Variants in FAAP24 observed in about 807,000 individuals in gnomAD.
FAAP24 encodes the protein FA core complex associated protein 24.
FAAP24 carries 16 observed loss-of-function variants against 14.3 expected under a neutral mutation model. The ratio of observed to expected loss-of-function variants is 1.12; its 90% CI spans 0.76 to 1.69. The LOEUF (loss-of-function observed/expected upper bound fraction) is 1.69, where lower values mean the gene tolerates loss of function less well. Among genes scored for constraint, FAAP24 ranks in the 40% most tolerant of loss-of-function variants. The pLI is 0.00. For missense variants in FAAP24, 234 were observed against 262.7 expected (o/e 0.89, Z 0.75); for synonymous variants, 111 against 106.2 (o/e 1.04, Z -0.28).
chr19:32,975,252 C>T (rs1971501212), intron 4 of FAAP24, among the ~76,000 whole-genome samples: 1 of 151,344 alleles, frequency 6.6e-6, no homozygotes, highest in South Asian at 2.1e-4. Context: ...TTACTGCAAC[C>T]TTTGCCTCCT....
At position 32,976,702 on chromosome 19, in the gene FAAP24, G is replaced by C. The variant is rs368291818; in HGVS notation, c.*20G>C. 6.2e-7 allele frequency: 1 copy of C among 1,610,932 alleles called. No homozygotes were observed. Among genetic ancestry groups the C allele is most frequent in the Admixed American group, 1.7e-5 (1 of 59,692 alleles). On this transcript the variant is annotated 3_prime_UTR_variant, in exon 5 of 5. Transcript: ENST00000588258. ...AGGTGAGGGCTGGCCTCAGGGCCAC[G>C]GCATCTTCTCCTGAGACCACAAACA...
At chr19:32,976,183 C>A (rs1263380655) in intron 4 of FAAP24, among the ~76,000 whole-genome samples, 2 of 152,186 alleles carry the variant, frequency 1.3e-5, no homozygotes, top group African/African-American at 4.8e-5. Flanking sequence ...TTGAATTCAT[C>A]TGTGTGTTTT....
chr19:32,975,784 T>C (rs1164058509), intron 4 of FAAP24, among the ~76,000 whole-genome samples: 1 of 152,198 alleles, frequency 6.6e-6, no homozygotes, highest in East Asian at 1.9e-4. Context: ...AAAATCAGTT[T>C]AGTAGCTTAC....
At position 32,976,715 on chromosome 19, in the gene FAAP24, G is replaced by T; in HGVS notation, c.*33G>T. Reference sequence around the variant, plus strand: ...CCTCAGGGCCACGGCATCTTCTCCTGAGACCACAAACACCAGGATCTTGTT... The same window carrying T: ...CCTCAGGGCCACGGCATCTTCTCCTTAGACCACAAACACCAGGATCTTGTT... On this transcript the variant is annotated 3_prime_UTR_variant, in exon 5 of 5. Coordinates refer to ENST00000588258, the MANE Select transcript of FAAP24 (RefSeq NM_152266.5). 6.2e-7 allele frequency: 1 copy of T among 1,605,968 alleles called. No individual in the cohort carries two copies. The highest frequency in any genetic ancestry group is 8.5e-7 in the Non-Finnish European group (1 of 1,175,386).
In FAAP24 at chr19:32,973,462, C is replaced by G. The variant is rs1358561421; in HGVS notation, c.143C>G (p.Pro48Arg). 1 of 1,614,176 alleles carries G rather than the reference C, an allele frequency of 6.2e-7. No homozygotes were observed. The highest frequency in any genetic ancestry group is 1.3e-5 in the African/African-American group (1 of 75,044). Reference protein sequence around the residue: ...IKLIFEDGLTPDFYLSNRCCI... With the variant: ...IKLIFEDGLTRDFYLSNRCCI... ...CTCATTTTCGAGGATGGCTTGACAC[C>G]AGACTTTTATCTGTCGAACAGATGC... The change falls in exon 3 of 5, where the codon CCA becomes CGA. Residue 48 changes from proline (P) to arginine (R), a missense_variant. Physicochemically the swap from Pro to Arg is moderately radical, Grantham distance 103. Transcript: ENST00000588258.
rs1971533442 is a variant in FAAP24, at chr19:32,977,260, C to G, written c.*578C>G. ...AAGAGAGTCAGGGACTCACACTCAG[C>G]AAAAAGCATTAGGGCCGATTTTAAT... On this transcript the variant is annotated 3_prime_UTR_variant, in exon 5 of 5. Transcript: ENST00000588258. 1 of 398,876 alleles carries G rather than the reference C, an allele frequency of 2.5e-6. No homozygotes were observed. The highest frequency in any genetic ancestry group is 4.4e-6 in the Non-Finnish European group (1 of 226,336). 24.7% of individuals were successfully genotyped at this position (398,876 alleles called of 1,614,324 possible). A position where few individuals can be genotyped will look rare whatever the true frequency, so the allele number is the denominator to read the frequency against.
At position 32,973,956 on chromosome 19, in the gene FAAP24, C is replaced by A. The variant is rs79939001; in HGVS notation, c.244-104C>A. The A allele has an allele frequency of 7.2e-6, 8 of 1,114,506 alleles. No homozygotes were observed. The East Asian group carries it at 1.4e-4, about 20-fold the overall frequency. The allele number at this position is 1,114,506 out of a possible 1,614,324, so 69.0% of individuals were successfully genotyped here. A position where few individuals can be genotyped will look rare whatever the true frequency, so the allele number is the denominator to read the frequency against. ...CACCCTTCCCTCCATCCCTTGGTAT[C>A]ATTTATTTAAAATCATTGGCCAGGT... On this transcript the variant is annotated intron_variant, in intron 3 of 4. Transcript: ENST00000588258.
chr19:32,975,975 T>C (rs1971511571), intron 4 of FAAP24, among the ~76,000 whole-genome samples: 1 of 152,212 alleles, frequency 6.6e-6, no homozygotes, highest in Non-Finnish European at 1.5e-5. Context: ...CTCTCTACTA[T>C]ATCCCTTGCG....
chr19:32,973,445 C>G lies in FAAP24; in HGVS notation c.126C>G (p.Phe42Leu). The change falls in exon 3 of 5, where the codon TTC (phenylalanine) becomes TTG (leucine). Residue 42 changes from phenylalanine to leucine, a missense_variant. Physicochemically the swap from Phe to Leu is conservative, Grantham distance 22 (BLOSUM62 0). Coordinates refer to ENST00000588258, the MANE Select transcript of FAAP24 (RefSeq NM_152266.5). ...TTTAAGGGAAAATTAAGCTCATTTT[C>G]GAGGATGGCTTGACACCAGACTTTT... Reference protein sequence around the residue: ...QEMQGKIKLIFEDGLTPDFYL... With the variant: ...QEMQGKIKLILEDGLTPDFYL... 1 of 1,614,090 alleles carries G rather than the reference C, an allele frequency of 6.2e-7. No individual in the cohort carries two copies. Among genetic ancestry groups the G allele is most frequent in the Non-Finnish European group, 8.5e-7 (1 of 1,179,980 alleles).
chr19:32,973,141 C>A, intron 1 of FAAP24, 43 bp from the exon 2 acceptor site: 1 of 1,512,564 alleles, frequency 6.6e-7, no homozygotes, highest in Non-Finnish European at 9.2e-7. Flanking sequence ...GGGCCGTGTG[C>A]AGGAGAGCCT....
In FAAP24 at chr19:32,974,232, C is replaced by A. The variant is rs774857019; in HGVS notation, c.396+20C>A. On this transcript the variant is annotated intron_variant, in intron 4 of 4. Transcript: ENST00000588258. ...CAGTTGGTGAGTACCGATTCCTACACCTTCGTGGTAGTCCTGTCCTCATGG... is the reference window on the plus strand; with the variant it reads ...CAGTTGGTGAGTACCGATTCCTACAACTTCGTGGTAGTCCTGTCCTCATGG... The A allele has an allele frequency of 2.5e-6, 4 of 1,606,578 alleles. No individual in the cohort carries two copies. The highest frequency in any genetic ancestry group is 2.7e-5 in the African/African-American group (2 of 74,546).
At chr19:32,973,846 T>C (rs1971481685) in intron 3 of FAAP24, among the ~76,000 whole-genome samples, 1 of 152,052 alleles carries the variant, frequency 6.6e-6, no homozygotes, top group Non-Finnish European at 1.5e-5. Context: ...CAGAGTGAGA[T>C]TCCAACTCAA....
At chr19:32,975,074 A>G (rs1227565016) in intron 4 of FAAP24, among the ~76,000 whole-genome samples, 2 of 150,668 alleles carry the variant, frequency 1.3e-5, no homozygotes, top group African/African-American at 2.4e-5. Flanking sequence ...GGGTTTCACC[A>G]TATTGGCCAG....
Position 32,976,845 on chromosome 19 carries a change from C to A in FAAP24, c.*163C>A. ...AGCGGATCATCTGAGGTCAGGAGTT[C>A]AAGACCAGCCTGGCCAACATGGAGA... On this transcript the variant is annotated 3_prime_UTR_variant, in exon 5 of 5. Coordinates refer to ENST00000588258, the MANE Select transcript of FAAP24 (RefSeq NM_152266.5). 1.2e-6 allele frequency: 1 copy of A among 842,532 alleles called. No homozygotes were observed. The highest frequency in any genetic ancestry group is 1.8e-6 in the Non-Finnish European group (1 of 560,090). 52.2% of individuals were successfully genotyped at this position (842,532 alleles called of 1,614,324 possible). A position where few individuals can be genotyped will look rare whatever the true frequency, so the allele number is the denominator to read the frequency against.
In FAAP24 at chr19:32,976,561, T is replaced by A. The variant is rs1971520528; in HGVS notation, c.527T>A (p.Leu176His). Residue 176 changes from leucine to histidine, a missense_variant, in exon 5 of 5, where the codon CTT becomes CAT. Coordinates refer to ENST00000588258, the MANE Select transcript of FAAP24 (RefSeq NM_152266.5). ...IPGVGKVKAP[L>H]LLQKFPSIQQ... is the part of the protein sequence containing the mutation. ...GGAGTTGGAAAAGTTAAAGCTCCCCTTCTCCTCCAGAAGTTTCCAAGCATC... is the reference window on the plus strand; with the variant it reads ...GGAGTTGGAAAAGTTAAAGCTCCCCATCTCCTCCAGAAGTTTCCAAGCATC... 1 of 1,614,168 alleles carries A rather than the reference T, an allele frequency of 6.2e-7. No individual in the cohort carries two copies. Among genetic ancestry groups the A allele is most frequent in the African/African-American group, 1.3e-5 (1 of 75,056 alleles).
chr19:32,977,277 G>A lies in FAAP24; in HGVS notation c.*595G>A, dbSNP rs1227247827. On this transcript the variant is annotated 3_prime_UTR_variant, in exon 5 of 5. Coordinates refer to ENST00000588258, the MANE Select transcript of FAAP24 (RefSeq NM_152266.5). ...ACACTCAGCAAAAAGCATTAGGGCC[G>A]ATTTTAATGTGCGACCTTGACCTGC... 7 of 398,650 alleles carry A rather than the reference G, an allele frequency of 1.8e-5. No homozygotes were observed. The highest frequency in any genetic ancestry group is 3.1e-5 in the Non-Finnish European group (7 of 226,270). The allele number at this position is 398,650 out of a possible 1,614,324, so 24.7% of individuals were successfully genotyped here. A position where few individuals can be genotyped will look rare whatever the true frequency, so the allele number is the denominator to read the frequency against.
chr19:32,976,691 C>T lies in FAAP24; in HGVS notation c.*9C>T, dbSNP rs776380538. On this transcript the variant is annotated 3_prime_UTR_variant, in exon 5 of 5. Coordinates refer to ENST00000588258, the MANE Select transcript of FAAP24 (RefSeq NM_152266.5). Reference sequence around the variant, plus strand: ...TCACGCAGCCCAGGTGAGGGCTGGCCTCAGGGCCACGGCATCTTCTCCTGA... The same window carrying T: ...TCACGCAGCCCAGGTGAGGGCTGGCTTCAGGGCCACGGCATCTTCTCCTGA... The T allele has an allele frequency of 1.9e-6, 3 of 1,612,196 alleles. No homozygotes were observed. Among genetic ancestry groups the T allele is most frequent in the Admixed American group, 3.3e-5 (2 of 59,902 alleles).
rs1186031035 is a variant in FAAP24 at position 32,973,549 on chromosome 19, T to C, written c.230T>C (p.Val77Ala). ...VAGNGYRKRLVRVRNSNNLKG... is the reference protein window; with the variant it reads ...VAGNGYRKRLARVRNSNNLKG... ...GGAAATGGCTACAGAAAGAGGCTTGTTCGGGTTAGAAATGTAAGTATTAGG... is the reference window on the plus strand; with the variant it reads ...GGAAATGGCTACAGAAAGAGGCTTGCTCGGGTTAGAAATGTAAGTATTAGG... Residue 77 changes from valine to alanine, a missense_variant, in exon 3 of 5, where the codon GTT becomes GCT. Transcript: ENST00000588258. The C allele has an allele frequency of 6.2e-7, 1 of 1,614,198 alleles. No homozygotes were observed.
intron 4 of FAAP24, among the ~76,000 whole-genome samples, chr19:32,975,794 C>T (rs558787819): frequency 7.2e-4 from 109 of 152,264 alleles, no homozygotes; most frequent in Middle Eastern, 3.4e-3. Flanking sequence ...TAGTAGCTTA[C>T]GCCTCTGATC....
Sources: gnomAD v4.1 joint callset for allele counts (sites outside exome capture counted in the v4.1 genomes callset) on GRCh38, gnomAD v4.1.1 for gene constraint, MANE v1.5 for transcripts, NCBI Gene and HGNC (gene_info 2026-07-23, HGNC 2026-07-21) for gene names.